The following TAFA1 variants were observed in gnomAD, a reference collection of about 807,000 sequenced individuals.
TAFA1 encodes TAFA chemokine like family member 1.
A neutral mutation model predicts 18.5 loss-of-function variants in TAFA1; 4 were observed. The ratio of observed to expected loss-of-function variants is 0.22; its 90% CI spans 0.11 to 0.49. The LOEUF is 0.49. TAFA1 is among the 20% of genes least tolerant of loss of function. The pLI is 0.98. For synonymous variants in TAFA1, 56 were observed against 55.2 expected (o/e 1.01, Z -0.06); for missense variants, 147 against 169.0 (o/e 0.87, Z 0.72).
intron 3 of TAFA1, among the ~76,000 whole-genome samples, chr3:68,452,649 A>G (rs1230968325): frequency 6.6e-6 from 1 of 152,172 alleles, no homozygotes; most frequent in African/African-American, 2.4e-5. Flanking sequence ...ATTCTATACC[A>G]AAATGAACAC....
At chr3:68,484,648 A>G (rs1368211225) in intron 3 of TAFA1, among the ~76,000 whole-genome samples, 4 of 152,362 alleles carry the variant, frequency 2.6e-5, no homozygotes, top group South Asian at 4.1e-4. Flanking sequence ...CAAGATGCCT[A>G]TTAAGCAACC....
intron 2 of TAFA1, among the ~76,000 whole-genome samples, chr3:68,258,311 G>C (rs561104723): frequency 6.6e-6 from 1 of 152,218 alleles, no homozygotes; most frequent in East Asian, 1.9e-4. Context: ...CATTGGTTTG[G>C]AAACCAGGGC....
chr3:68,314,190 G>C (rs944246560), intron 2 of TAFA1, among the ~76,000 whole-genome samples: 1 of 152,168 alleles, frequency 6.6e-6, no homozygotes, highest in Non-Finnish European at 1.5e-5. Flanking sequence ...ACTACCCTTT[G>C]TATTGAACAC....
intron 2 of TAFA1, among the ~76,000 whole-genome samples, chr3:68,290,913 T>C (rs956292735): frequency 6.6e-6 from 1 of 151,154 alleles, no homozygotes; most frequent in Non-Finnish European, 1.5e-5. Flanking sequence ...AAAAAAAAAC[T>C]CTTTTTTCCT....
At chr3:68,294,918 A>G (rs977003599) in intron 2 of TAFA1, among the ~76,000 whole-genome samples, 2 of 152,160 alleles carry the variant, frequency 1.3e-5, no homozygotes, top group Non-Finnish European at 2.9e-5. Flanking sequence ...TCACACAGCC[A>G]CATTTCATGT....
At chr3:68,334,076 T>C (rs1382679935) in intron 2 of TAFA1, among the ~76,000 whole-genome samples, 1 of 152,202 alleles carries the variant, frequency 6.6e-6, no homozygotes, top group African/African-American at 2.4e-5. Flanking sequence ...GGAGGCCCAA[T>C]GTGCAACATG....
At chr3:68,180,717 C>A (rs1227748576) in intron 2 of TAFA1, among the ~76,000 whole-genome samples, 4 of 151,632 alleles carry the variant, frequency 2.6e-5, no homozygotes, top group Non-Finnish European at 5.9e-5. Context: ...CCTCTGCAGA[C>A]CTTTATGTGT....
chr3:68,452,159 T>C (rs1232091378), intron 3 of TAFA1, among the ~76,000 whole-genome samples: 3 of 152,128 alleles, frequency 2.0e-5, no homozygotes, highest in Non-Finnish European at 4.4e-5. Context: ...CTGAAGGACA[T>C]GCGGTTGTGG....
chr3:68,417,644 T>C, intron 3 of TAFA1: 1 of 521,312 alleles, frequency 1.9e-6, no homozygotes, highest in Non-Finnish European at 3.4e-6. Flanking sequence ...TTGCTTGCCA[T>C]TGCAGCATTG....
At chr3:68,116,697 C>T (rs2065328872) in intron 2 of TAFA1, among the ~76,000 whole-genome samples, 1 of 152,158 alleles carries the variant, frequency 6.6e-6, no homozygotes, top group Non-Finnish European at 1.5e-5. Flanking sequence ...TGCTTGCCCC[C>T]TCATCTCTGC....
intron 2 of TAFA1, among the ~76,000 whole-genome samples, chr3:68,107,942 G>C (rs941274299): frequency 2.0e-5 from 3 of 152,036 alleles, no homozygotes; most frequent in Non-Finnish European, 4.4e-5. Context: ...TTAAATACTT[G>C]TTAAGAACTA....
At chr3:68,452,411 T>C (rs2071579543) in intron 3 of TAFA1, among the ~76,000 whole-genome samples, 2 of 150,960 alleles carry the variant, frequency 1.3e-5, no homozygotes, top group South Asian at 4.2e-4. Context: ...TGGTCCTAGC[T>C]ACTCGGGAGG....
intron 2 of TAFA1, among the ~76,000 whole-genome samples, chr3:68,401,184 A>G (rs1382740558): frequency 6.6e-6 from 1 of 152,142 alleles, no homozygotes; most frequent in Non-Finnish European, 1.5e-5. Context: ...TGAGTCCAGG[A>G]TGATAAAGGG....
chr3:68,429,395 C>A, intron 3 of TAFA1, among the ~76,000 whole-genome samples: 1 of 151,850 alleles, frequency 6.6e-6, no homozygotes, highest in Admixed American at 6.6e-5. Context: ...AAGGGAAGAA[C>A]CTGATGCCTT....
chr3:68,507,596 G>T (rs1020313337), intron 3 of TAFA1, among the ~76,000 whole-genome samples: 3 of 152,040 alleles, frequency 2.0e-5, no homozygotes, highest in African/African-American at 4.8e-5. Flanking sequence ...GAGCTCACAA[G>T]ATTTTTAGGC....
chr3:68,259,309 T>C (rs546469525), intron 2 of TAFA1, among the ~76,000 whole-genome samples: 4 of 152,298 alleles, frequency 2.6e-5, no homozygotes, highest in Admixed American at 2.0e-4. Flanking sequence ...CAAATTAGGA[T>C]GCAAAATGAA....
Position 68,545,411 on chromosome 3 carries a change from T to G in TAFA1, c.*908T>G, listed in dbSNP as rs1417328788. 1 of 152,604 alleles carries G rather than the reference T, an allele frequency of 6.6e-6. No individual in the cohort carries two copies. The highest frequency in any genetic ancestry group is 1.5e-5 in the Non-Finnish European group (1 of 68,034). The allele number at this position is 152,604 out of a possible 1,614,324, so 9.5% of individuals were successfully genotyped here. On this transcript the variant is annotated 3_prime_UTR_variant, in exon 5 of 5. Coordinates refer to ENST00000478136, the MANE Select transcript of TAFA1 (RefSeq NM_213609.4). The stretch of plus-strand genomic sequence containing the variant: ...CTAGACTGCAGAAATGTCCTCTGAT[T>G]AAATCCAAAGTCTGGCATCGTTAAC...
intron 2 of TAFA1, among the ~76,000 whole-genome samples, chr3:68,015,244 G>T: frequency 6.6e-6 from 1 of 151,734 alleles, no homozygotes; most frequent in Non-Finnish European, 1.5e-5. Flanking sequence ...AGCCTCATTT[G>T]AATCTCAGCT....
intron 2 of TAFA1, among the ~76,000 whole-genome samples, chr3:68,233,641 T>C (rs1353309176): frequency 6.6e-6 from 1 of 152,174 alleles, no homozygotes; most frequent in South Asian, 2.1e-4. Flanking sequence ...GATTTTTTTT[T>C]CTATTTTTGT....
Sources: gnomAD v4.1 joint callset for allele counts (sites outside exome capture counted in the v4.1 genomes callset) on GRCh38, gnomAD v4.1.1 for gene constraint, MANE v1.5 for transcripts, NCBI Gene and HGNC (gene_info 2026-07-23, HGNC 2026-07-21) for gene names.